NFASC: variants seen among roughly 807,000 people sequenced by gnomAD.
NFASC encodes neurofascin.
A neutral mutation model predicts 147.5 loss-of-function variants in NFASC; 43 were observed. The ratio of observed to expected loss-of-function variants is 0.29; its 90% CI spans 0.23 to 0.38. The LOEUF (loss-of-function observed/expected upper bound fraction) is 0.38, where lower values mean the gene tolerates loss of function less well. NFASC is among the 10% of genes least tolerant of loss of function. The probability of loss-of-function intolerance (pLI) is 1.00; values close to 1 mark genes in which losing one functional copy is unlikely to be tolerated. For missense variants in NFASC, 1,320 were observed against 1,689.0 expected, an observed-to-expected ratio of 0.78 and a Z score of 3.83; for synonymous variants, 622 against 665.5, an observed-to-expected ratio of 0.93 and a Z score of 1.01.
At chr1:204,894,048 T>G (rs2082930808) in intron 1 of NFASC, among the ~76,000 whole-genome samples, 2 of 152,268 alleles carry the variant, frequency 1.3e-5, no homozygotes, top group Admixed American at 6.5e-5. Flanking sequence ...CTGGCCACTT[T>G]GGAATCTTCA....
intron 1 of NFASC, among the ~76,000 whole-genome samples, chr1:204,911,538 A>C (rs761015369): frequency 6.6e-6 from 1 of 152,134 alleles, no homozygotes; most frequent in Non-Finnish European, 1.5e-5. Context: ...TTTTGTGTCT[A>C]TATCTGTGAG....
chr1:204,972,412 A>G (rs1284125559), intron 11 of NFASC, among the ~76,000 whole-genome samples: 1 of 150,514 alleles, frequency 6.6e-6, no homozygotes, highest in African/African-American at 2.4e-5. Context: ...TTCTTAGAGT[A>G]GGGGAAAGGT....
intron 2 of NFASC, among the ~76,000 whole-genome samples, chr1:204,929,183 C>T (rs984820467): frequency 6.7e-6 from 1 of 149,836 alleles, no homozygotes; most frequent in African/African-American, 2.5e-5. Context: ...CCCATGTGAA[C>T]TTAGCCAAGG....
At position 204,979,338 on chromosome 1, in the gene NFASC, GCT is replaced by G. The variant is rs552995107; in HGVS notation, c.1979-21_1979-20del. 4.1e-4 allele frequency: 656 copies of G among 1,600,310 alleles called. 7 individuals carry two copies. In the Admixed American group the frequency reaches 0.01, roughly 25 times the overall value. On this transcript the variant is annotated intron_variant, in intron 18 of 29. Coordinates refer to ENST00000339876, the MANE Select transcript of NFASC (RefSeq NM_001005388.3). The surrounding 1 kb of genome is among the most constrained non-coding windows in gnomAD (Gnocchi z 6.0). ...CACTGCTAACTGAGCTCCCGAAACA[GCT>G]CTGTTTTCCTTGCCCACTCAGACTA...
At position 204,968,857 on chromosome 1, in the gene NFASC, A is replaced by C. The variant is rs761511719; in HGVS notation, c.878A>C (p.Lys293Thr). Residue 293 changes from lysine (K) to threonine (T), a missense_variant, in exon 10 of 30, where the codon AAG becomes ACG. This residue lies in a region of NFASC where 981 missense variants were observed against 1,289.5 expected (regional missense o/e 0.76). Transcript: ENST00000339876. The surrounding 1 kb of genome is among the most constrained non-coding windows in gnomAD (Gnocchi z 5.4). Reference protein sequence around the residue: ...KGGDLPSDKAKFENFNKALRI... With the variant: ...KGGDLPSDKATFENFNKALRI... ...GGGGACCTCCCATCTGATAAGGCCA[A>C]GTTTGAGAACTTTAATAAGGCCCTG... 32 of 1,613,916 alleles carry C rather than the reference A, an allele frequency of 2.0e-5. No individual in the cohort carries two copies. Among genetic ancestry groups the C allele is most frequent in the Non-Finnish European group, 2.6e-5 (31 of 1,180,036 alleles).
At chr1:204,999,062 A>G (rs1192846328) in intron 25 of NFASC, 1 of 152,260 alleles carries the variant, frequency 6.6e-6, no homozygotes, top group Non-Finnish European at 1.5e-5. Context: ...AAGATGTTTC[A>G]TAAGTTTACT....
chr1:204,891,452 T>A (rs990979420), intron 1 of NFASC, among the ~76,000 whole-genome samples: 1 of 152,086 alleles, frequency 6.6e-6, no homozygotes, highest in African/African-American at 2.4e-5. Flanking sequence ...TCTGAATAGG[T>A]CCTACTTTAT....
chr1:204,978,959 T>G lies in NFASC; in HGVS notation c.1877-9T>G. 1 of 1,548,382 alleles carries G rather than the reference T, an allele frequency of 6.5e-7. No homozygotes were observed. Among genetic ancestry groups the G allele is most frequent in the Admixed American group, 2.0e-5 (1 of 51,180 alleles). Reference sequence around the variant, plus strand: ...CTCAGGAGGCCTGCGTGGTGTCTTCTGCCACCAGGACGGCCAGACCGGCCC... The same window carrying G: ...CTCAGGAGGCCTGCGTGGTGTCTTCGGCCACCAGGACGGCCAGACCGGCCC... On this transcript the variant is annotated splice_polypyrimidine_tract_variant and intron_variant, in intron 17 of 29. Transcript: ENST00000339876.
At chr1:204,913,995 A>G (rs746158221) in intron 1 of NFASC, among the ~76,000 whole-genome samples, 11 of 152,152 alleles carry the variant, frequency 7.2e-5, no homozygotes, top group South Asian at 4.1e-4. Flanking sequence ...TAAATATGAC[A>G]CAAAACATAG....
chr1:204,870,447 C>T (rs998348000), intron 1 of NFASC, among the ~76,000 whole-genome samples: 60 of 152,020 alleles, frequency 3.9e-4, no homozygotes, highest in Non-Finnish European at 5.9e-4. Context: ...TCATGGAGGA[C>T]GTGTGCATGG....
chr1:204,920,404 C>T (rs11240310), intron 1 of NFASC, among the ~76,000 whole-genome samples: 75,555 of 148,988 alleles, frequency 0.51, 21,130 homozygotes, highest in Non-Finnish European at 0.65. Flanking sequence ...ATAAGAGAGA[C>T]AATCACCCTT....
At chr1:204,981,681 C>A (rs2095512335) in intron 20 of NFASC, 117 bp from the exon 21 acceptor site, 1 of 598,970 alleles carries the variant, frequency 1.7e-6, no homozygotes, top group Non-Finnish European at 2.8e-6. Flanking sequence ...TGCAAGGGGG[C>A]AGGCCAGTGT....
chr1:204,985,948 G>A (rs2095607505), intron 21 of NFASC: 1 of 1,613,808 alleles, frequency 6.2e-7, no homozygotes, highest in East Asian at 2.2e-5. Context: ...TGAAGAACCT[G>A]TGGGTGTCTC....
intron 2 of NFASC, among the ~76,000 whole-genome samples, chr1:204,921,016 A>G (rs2090364661): frequency 1.3e-5 from 2 of 152,192 alleles, no homozygotes; most frequent in Non-Finnish European, 1.5e-5. Flanking sequence ...CATTGTCCCA[A>G]TGTCCACCTA....
intron 24 of NFASC, among the ~76,000 whole-genome samples, chr1:204,993,027 C>T (rs2095770055): frequency 6.6e-6 from 1 of 152,200 alleles, no homozygotes; most frequent in African/African-American, 2.4e-5. Flanking sequence ...GTGCTGATAA[C>T]ATCAGCTGTT....
chr1:204,956,644 A>G (rs745651859), intron 7 of NFASC, among the ~76,000 whole-genome samples: 5 of 152,228 alleles, frequency 3.3e-5, no homozygotes, highest in Non-Finnish European at 7.3e-5. Context: ...GGGCAGTAAC[A>G]GTCTTGCCCA....
chr1:204,975,163 T>A lies in NFASC; in HGVS notation c.1559-108T>A, dbSNP rs1240909282. ...CCATAGCATACTGTTTGTGCCCCAC[T>A]CCATAGTTGGCCCAAGGCCTCGAGG... On this transcript the variant is annotated intron_variant, in intron 14 of 29. Transcript: ENST00000339876. This position sits in a 1 kb window ranked among gnomAD's most constrained non-coding sequence, Gnocchi z 4.0. 3 of 1,252,192 alleles carry A rather than the reference T, an allele frequency of 2.4e-6. No individual in the cohort carries two copies. Among genetic ancestry groups the A allele is most frequent in the Non-Finnish European group, 3.3e-6 (3 of 898,654 alleles). The allele number at this position is 1,252,192 out of a possible 1,614,324, so 77.6% of individuals were successfully genotyped here.
chr1:204,977,643 T>C (rs1304276505), intron 16 of NFASC, 38 bp from the exon 17 acceptor site: 1 of 1,598,948 alleles, frequency 6.3e-7, no homozygotes. Context: ...TAATGCTGGA[T>C]AACCTGCTAA....
intron 2 of NFASC, among the ~76,000 whole-genome samples, chr1:204,927,008 G>A (rs2091731937): frequency 6.6e-6 from 1 of 152,162 alleles, no homozygotes; most frequent in Non-Finnish European, 1.5e-5. Flanking sequence ...CCTGGAGGCA[G>A]AGGTTGCAGT....
Sources: allele counts gnomAD v4.1 joint callset (sites outside exome capture counted in the v4.1 genomes callset), GRCh38; gene constraint gnomAD v4.1.1; regional missense constraint gnomAD v4.1.1; non-coding constraint Gnocchi (gnomAD v3.1); transcripts MANE v1.5; gene names NCBI Gene and HGNC (gene_info 2026-07-23, HGNC 2026-07-21).